Variants in ALK observed in about 807,000 individuals in gnomAD.
ALK encodes ALK tyrosine kinase receptor.
ALK carries 74 observed loss-of-function variants against 163.1 expected under a neutral mutation model. The ratio of observed to expected loss-of-function variants is 0.45; its 90% CI spans 0.38 to 0.55. The LOEUF (loss-of-function observed/expected upper bound fraction) is 0.55. ALK is among the 20% of genes least tolerant of loss of function. The pLI is 0.00. For synonymous variants in ALK, 960 were observed against 843.2 expected, an observed-to-expected ratio of 1.14 and a Z score of -2.40; for missense variants, 2,063 against 2,105.3, an observed-to-expected ratio of 0.98 and a Z score of 0.39.
At chr2:29,410,591 A>G (rs957713700) in intron 4 of ALK, among the ~76,000 whole-genome samples, 1 of 152,234 alleles carries the variant, frequency 6.6e-6, no homozygotes, top group Non-Finnish European at 1.5e-5. Context: ...AGTATGGCCT[A>G]TTGCTCCTAG....
intron 1 of ALK, among the ~76,000 whole-genome samples, chr2:29,778,382 G>A (rs1303800174): frequency 6.6e-6 from 1 of 152,200 alleles, no homozygotes; most frequent in African/African-American, 2.4e-5. Context: ...AGGCTCCAAG[G>A]AAGGGTCATG....
At chr2:29,837,993 A>G (rs1665604602) in intron 1 of ALK, among the ~76,000 whole-genome samples, 1 of 152,172 alleles carries the variant, frequency 6.6e-6, no homozygotes, top group African/African-American at 2.4e-5. Flanking sequence ...CAAAGAAACA[A>G]TTACAATGGA....
chr2:29,403,709 C>CAAAAA (rs67270103), intron 4 of ALK, among the ~76,000 whole-genome samples: 35 of 74,186 alleles, frequency 4.7e-4, no homozygotes, highest in African/African-American at 1.5e-3. Flanking sequence ...CAGGTCTCTA[C>CAAAAA]AAAAAAAAAA....
intron 8 of ALK, among the ~76,000 whole-genome samples, chr2:29,309,024 G>A (rs914940942): frequency 2.6e-5 from 4 of 152,024 alleles, no homozygotes; most frequent in Admixed American, 1.3e-4. Flanking sequence ...CTGGGCAAAC[G>A]GCCTCCTCTG....
chr2:29,741,312 A>G (rs931864320), intron 1 of ALK, among the ~76,000 whole-genome samples: 3 of 152,180 alleles, frequency 2.0e-5, no homozygotes, highest in African/African-American at 7.2e-5. Flanking sequence ...TGTAAACTAT[A>G]GACTTTGGGT....
intron 2 of ALK, among the ~76,000 whole-genome samples, chr2:29,714,286 C>T (rs1558455565): frequency 6.6e-6 from 1 of 152,042 alleles, no homozygotes; most frequent in Non-Finnish European, 1.5e-5. Flanking sequence ...AGGCGAGAAA[C>T]GACTGGAATC....
chr2:29,722,866 G>C (rs568201136), intron 1 of ALK, among the ~76,000 whole-genome samples: 3 of 152,138 alleles, frequency 2.0e-5, no homozygotes, highest in African/African-American at 7.2e-5. Flanking sequence ...ATTTCAGAAA[G>C]TGTTACCAAT....
chr2:29,666,367 CA>C (rs142306158), intron 3 of ALK, among the ~76,000 whole-genome samples: 1 of 150,792 alleles, frequency 6.6e-6, no homozygotes, highest in Non-Finnish European at 1.5e-5. Flanking sequence ...TTGAAACTAT[CA>C]AAAAAATGGT....
intron 4 of ALK, among the ~76,000 whole-genome samples, chr2:29,412,461 T>C (rs990655949): frequency 6.6e-6 from 1 of 152,176 alleles, no homozygotes; most frequent in Non-Finnish European, 1.5e-5. Flanking sequence ...AAAACTGTTG[T>C]CCTGTCCTTA....
At chr2:29,910,328 CA>C (rs1667668282) in intron 1 of ALK, among the ~76,000 whole-genome samples, 1 of 151,808 alleles carries the variant, frequency 6.6e-6, no homozygotes, top group African/African-American at 2.4e-5. Context: ...GACTGAAATA[CA>C]GAGAGAAAAG....
At chr2:29,338,364 T>C (rs1667687893) in intron 5 of ALK, among the ~76,000 whole-genome samples, 2 of 152,232 alleles carry the variant, frequency 1.3e-5, no homozygotes, top group South Asian at 2.1e-4. Context: ...GGTCCTAATC[T>C]TACCATAAAC....
intron 5 of ALK, among the ~76,000 whole-genome samples, chr2:29,330,578 CA>C (rs1667408256): frequency 6.6e-6 from 1 of 152,190 alleles, no homozygotes; most frequent in African/African-American, 2.4e-5. Flanking sequence ...GGCGGAATAG[CA>C]GACCCCCAAA....
intron 3 of ALK, among the ~76,000 whole-genome samples, chr2:29,594,425 A>AC: frequency 7.2e-6 from 1 of 139,768 alleles, no homozygotes; most frequent in Non-Finnish European, 1.5e-5. Flanking sequence ...AGGTCTCCTC[A>AC]CTTTTTTTTT....
At chr2:29,818,874 C>T (rs1664969066) in intron 1 of ALK, among the ~76,000 whole-genome samples, 1 of 152,230 alleles carries the variant, frequency 6.6e-6, no homozygotes, top group African/African-American at 2.4e-5. Context: ...AAACCTACTT[C>T]CTTTGGAAGG....
At chr2:29,430,531 C>A (rs938950256) in intron 4 of ALK, among the ~76,000 whole-genome samples, 6 of 152,208 alleles carry the variant, frequency 3.9e-5, no homozygotes, top group African/African-American at 1.4e-4. Flanking sequence ...AACAGATAAG[C>A]ATGGCTGTGT....
At chr2:29,812,242 G>T (rs1380965385) in intron 1 of ALK, among the ~76,000 whole-genome samples, 1 of 152,166 alleles carries the variant, frequency 6.6e-6, no homozygotes, top group Non-Finnish European at 1.5e-5. Flanking sequence ...CGGGGTGGGG[G>T]ATGGGAGCAG....
At chr2:29,770,483 C>A (rs1573621389) in intron 1 of ALK, among the ~76,000 whole-genome samples, 1 of 152,206 alleles carries the variant, frequency 6.6e-6, no homozygotes, top group South Asian at 2.1e-4. Flanking sequence ...TGTTGACAGA[C>A]ATCTGAGGGA....
chr2:29,796,371 T>G (rs1329662308), intron 1 of ALK, among the ~76,000 whole-genome samples: 1 of 152,140 alleles, frequency 6.6e-6, no homozygotes, highest in African/African-American at 2.4e-5. Flanking sequence ...CTGGAACTGA[T>G]AAGCCAATAT....
chr2:29,478,416 T>C (rs1671579330), intron 4 of ALK, among the ~76,000 whole-genome samples: 2 of 152,188 alleles, frequency 1.3e-5, no homozygotes, highest in South Asian at 2.1e-4. Context: ...CCAGGAAAGG[T>C]AGGGTGAGTG....
Sources: gnomAD v4.1 joint callset for allele counts (sites outside exome capture counted in the v4.1 genomes callset) on GRCh38, gnomAD v4.1.1 for gene constraint, MANE v1.5 for transcripts, NCBI Gene and HGNC (gene_info 2026-07-23, HGNC 2026-07-21) for gene names.